POU6F2: variants seen among roughly 807,000 people sequenced by gnomAD.
The protein encoded by POU6F2 is POU domain, class 6, transcription factor 2.
A neutral mutation model predicts 71.3 loss-of-function variants in POU6F2; 31 were observed. The ratio of observed to expected loss-of-function variants is 0.43; its 90% CI spans 0.33 to 0.59. The LOEUF is 0.59. Ranked by LOEUF, POU6F2 falls within the 20% of genes least tolerant of loss-of-function variation. The pLI is 0.04. For synonymous variants in POU6F2, 347 were observed against 355.7 expected (o/e 0.98, Z 0.27); for missense variants, 783 against 856.8 (o/e 0.91, Z 1.07).
At chr7:39,455,632 A>C (rs778188982) in intron 8 of POU6F2, among the ~76,000 whole-genome samples, 5 of 152,202 alleles carry the variant, frequency 3.3e-5, no homozygotes, top group African/African-American at 9.7e-5. Flanking sequence ...GGAATCATAG[A>C]AAGATGATGT....
At chr7:39,348,721 A>G (rs918961659) in intron 5 of POU6F2, among the ~76,000 whole-genome samples, 2 of 152,150 alleles carry the variant, frequency 1.3e-5, no homozygotes, top group African/African-American at 4.8e-5. Context: ...CATTTCTCAA[A>G]TTTTCTTCCA....
At chr7:39,310,689 C>G (rs536441774) in intron 4 of POU6F2, among the ~76,000 whole-genome samples, 213 of 152,288 alleles carry the variant, frequency 1.4e-3, no homozygotes, top group African/African-American at 4.9e-3. Flanking sequence ...AGGAGGAAGG[C>G]AGAACTATTG....
At chr7:38,997,998 GC>G (rs1788787757) in intron 1 of POU6F2, among the ~76,000 whole-genome samples, 1 of 152,136 alleles carries the variant, frequency 6.6e-6, no homozygotes. Context: ...CAACTCTCAA[GC>G]CACTTTTGAC....
intron 4 of POU6F2, among the ~76,000 whole-genome samples, chr7:39,270,479 A>G (rs1034725524): frequency 1.8e-4 from 27 of 152,230 alleles, no homozygotes; most frequent in African/African-American, 5.1e-4. Flanking sequence ...TGCCTCAAGG[A>G]AATGGATTTA....
At chr7:39,030,540 A>ATATATATATATG (rs1789917151) in intron 1 of POU6F2, among the ~76,000 whole-genome samples, 2 of 130,400 alleles carry the variant, frequency 1.5e-5, no homozygotes, top group African/African-American at 2.8e-5. Flanking sequence ...ATATATATAT[A>ATATATATATATG]TATACACACA....
intron 5 of POU6F2, among the ~76,000 whole-genome samples, chr7:39,371,063 TCTC>T (rs968561709): frequency 5.3e-5 from 8 of 152,148 alleles, no homozygotes; most frequent in African/African-American, 1.9e-4. Context: ...GGAATACAGT[TCTC>T]CTCTGCAGGG....
intron 5 of POU6F2, among the ~76,000 whole-genome samples, chr7:39,359,379 A>G (rs1037013641): frequency 1.3e-5 from 2 of 152,350 alleles, no homozygotes; most frequent in East Asian, 1.9e-4. Flanking sequence ...AGATACTCAT[A>G]TATTTTAAAC....
chr7:39,179,785 C>T (rs1001153787), intron 2 of POU6F2, among the ~76,000 whole-genome samples: 8 of 152,194 alleles, frequency 5.3e-5, no homozygotes, highest in African/African-American at 4.8e-5. Flanking sequence ...CTGGAAAGTT[C>T]CCAGAGCTGG....
At chr7:39,063,150 C>G (rs1188867011) in intron 1 of POU6F2, among the ~76,000 whole-genome samples, 1 of 152,038 alleles carries the variant, frequency 6.6e-6, no homozygotes, top group Non-Finnish European at 1.5e-5. Flanking sequence ...TAATAGCAAG[C>G]CTGTAAATAT....
chr7:39,097,058 G>A (rs531425572), intron 2 of POU6F2, among the ~76,000 whole-genome samples: 2 of 152,092 alleles, frequency 1.3e-5, no homozygotes, highest in East Asian at 3.9e-4. Flanking sequence ...TAATTATGAA[G>A]CTGTTTTACA....
chr7:39,273,654 C>G (rs892980481), intron 4 of POU6F2, among the ~76,000 whole-genome samples: 11 of 151,812 alleles, frequency 7.2e-5, no homozygotes, highest in Non-Finnish European at 1.5e-4. Context: ...CTGGAAAAAG[C>G]CTGTAAGACT....
chr7:39,421,545 C>T (rs1787850960), intron 6 of POU6F2, among the ~76,000 whole-genome samples: 1 of 152,068 alleles, frequency 6.6e-6, no homozygotes, highest in African/African-American at 2.4e-5. Context: ...TGTATGTGCT[C>T]ACTGAGTATA....
chr7:39,373,370 T>G, intron 5 of POU6F2: 1 of 451,782 alleles, frequency 2.2e-6, no homozygotes, highest in Non-Finnish European at 4.5e-6. Context: ...GGCTGACCAA[T>G]GCTATGAGCA....
intron 4 of POU6F2, among the ~76,000 whole-genome samples, chr7:39,271,665 T>C (rs2128756970): frequency 6.6e-6 from 1 of 152,318 alleles, no homozygotes; most frequent in African/African-American, 2.4e-5. Flanking sequence ...TCCCGTCTCG[T>C]GGCTGAGCAA....
chr7:39,285,419 C>T (rs1167236182), intron 4 of POU6F2, among the ~76,000 whole-genome samples: 2 of 152,194 alleles, frequency 1.3e-5, no homozygotes, highest in Non-Finnish European at 2.9e-5. Context: ...GCCCAACTCA[C>T]CCACTAGCAA....
rs141890533 is a variant in POU6F2 at position 39,229,246 on chromosome 7, C to T, written c.598+21626C>T. Among the ~76,000 whole-genome samples the T allele has an allele frequency of 1.6e-3, 239 of 152,334 alleles. 1 individual carries two copies. The highest frequency in any genetic ancestry group is 5.4e-3 in the African/African-American group (226 of 41,584). On this transcript the variant is annotated intron_variant, in intron 4 of 9. Transcript: ENST00000518318. The stretch of plus-strand genomic sequence containing the variant: ...AGGGCAGCATTTGTTTGCGCATCCT[C>T]CAGCCCCACTTCAGTAGGCTGTCTT...
At chr7:39,352,276 A>C (rs2299138) in intron 5 of POU6F2, among the ~76,000 whole-genome samples, 35,065 of 152,094 alleles carry the variant, frequency 0.23, 5,001 homozygotes, top group East Asian at 0.59. Flanking sequence ...GGGTCTTATG[A>C]TAATTTGTAG....
intron 4 of POU6F2, among the ~76,000 whole-genome samples, chr7:39,300,867 G>A (rs1297100127): frequency 3.3e-5 from 5 of 152,144 alleles, no homozygotes; most frequent in African/African-American, 1.2e-4. Flanking sequence ...CTGGGGGTTA[G>A]GACTTCAACA....
chr7:39,058,765 A>G lies in POU6F2; in HGVS notation c.106-27095A>G, dbSNP rs561521267. On this transcript the variant is annotated intron_variant, in intron 1 of 9. Transcript: ENST00000518318. ...TTTATTTATCAGTTTTGTATTGGAAATGTTCATTAACATTTTTATGTAATA... is the reference window on the plus strand; with the variant it reads ...TTTATTTATCAGTTTTGTATTGGAAGTGTTCATTAACATTTTTATGTAATA... Among the ~76,000 whole-genome samples, 303 of 152,322 alleles carry G rather than the reference A, an allele frequency of 2.0e-3. 1 individual carries two copies. Among genetic ancestry groups the G allele is most frequent in the African/African-American group, 7.1e-3 (297 of 41,570 alleles).
Sources: gnomAD v4.1 joint callset for allele counts (sites outside exome capture counted in the v4.1 genomes callset) on GRCh38, gnomAD v4.1.1 for gene constraint, MANE v1.5 for transcripts, NCBI Gene and HGNC (gene_info 2026-07-23, HGNC 2026-07-21) for gene names.